FBXO10: variants seen among roughly 807,000 people sequenced by gnomAD.
The protein encoded by FBXO10 is F-box protein 10.
In FBXO10, 39 loss-of-function variants were observed where a neutral mutation model predicts 80.7. That is an observed-to-expected ratio of 0.48 (90% confidence interval 0.37 to 0.63). The LOEUF is 0.63. Ranked by LOEUF, FBXO10 falls within the 30% of genes least tolerant of loss-of-function variation. FBXO10 has a pLI of 0.00. For synonymous variants in FBXO10, 449 were observed against 489.6 expected (o/e 0.92, Z 1.09); for missense variants, 1,025 against 1,269.0 (o/e 0.81, Z 2.92).
At chr9:37,513,300 T>C (rs1821109145) in intron 10 of FBXO10, among the ~76,000 whole-genome samples, 1 of 152,170 alleles carries the variant, frequency 6.6e-6, no homozygotes, top group Non-Finnish European at 1.5e-5. Context: ...TGCCAGCTTT[T>C]CCTCTTTCAT....
At chr9:37,523,587 C>G (rs1343683075) in intron 6 of FBXO10, among the ~76,000 whole-genome samples, 1 of 152,050 alleles carries the variant, frequency 6.6e-6, no homozygotes, top group Non-Finnish European at 1.5e-5. Flanking sequence ...GTGAGTGACA[C>G]TGGTGTCCAA....
intron 1 of FBXO10, among the ~76,000 whole-genome samples, chr9:37,570,654 T>C (rs1822727501): frequency 6.6e-6 from 1 of 151,944 alleles, no homozygotes; most frequent in Admixed American, 6.6e-5. Context: ...GAAATCAGAA[T>C]GAAAGAGGGG....
intron 1 of FBXO10, among the ~76,000 whole-genome samples, chr9:37,555,530 G>A (rs929720441): frequency 6.6e-6 from 1 of 151,532 alleles, no homozygotes; most frequent in East Asian, 2.0e-4. Context: ...ACAGGCGCTC[G>A]CCACCATGCC....
intron 2 of FBXO10, among the ~76,000 whole-genome samples, chr9:37,540,021 T>C (rs111549083): frequency 7.9e-5 from 12 of 152,124 alleles, no homozygotes; most frequent in African/African-American, 2.7e-4. Context: ...TAAAATCAGA[T>C]GACATTACCT....
At chr9:37,558,757 G>C (rs1354777005) in intron 1 of FBXO10, among the ~76,000 whole-genome samples, 2 of 151,912 alleles carry the variant, frequency 1.3e-5, no homozygotes, top group African/African-American at 4.8e-5. Context: ...ATAACAATGT[G>C]AGATAGAAGG....
intron 2 of FBXO10, 32 bp from the exon 3 acceptor site, chr9:37,537,975 G>C (rs113442012): frequency 1.3e-6 from 2 of 1,575,132 alleles, no homozygotes; most frequent in Admixed American, 1.7e-5. Flanking sequence ...ACGGCTGTAA[G>C]AGGGATGAGA....
rs114264398 is a variant in FBXO10, at chr9:37,513,559, T to G, written c.2697-838A>C. 3.8e-3 allele frequency among the ~76,000 whole-genome samples: 578 copies of G among 151,466 alleles called. 5 individuals carry two copies. The highest frequency in any genetic ancestry group is 0.013 in the African/African-American group (542 of 41,318). ...GACTACATACTGCAGGATTTCTGGG[T>G]TTTTTTTGTTTTTACTTTTATTTTT... On this transcript the variant is annotated intron_variant, in intron 10 of 10. Coordinates refer to ENST00000432825, the MANE Select transcript of FBXO10 (RefSeq NM_012166.3).
chr9:37,574,248 G>A (rs1822835463), intron 1 of FBXO10, among the ~76,000 whole-genome samples: 1 of 152,140 alleles, frequency 6.6e-6, no homozygotes, highest in African/African-American at 2.4e-5. Context: ...ACTCCTCTTG[G>A]CACTGCCACC....
Position 37,533,016 on chromosome 9 carries a change from G to T in FBXO10, c.1420-958C>A, listed in dbSNP as rs144898166. Among the ~76,000 whole-genome samples, 8 of 152,252 alleles carry T rather than the reference G, an allele frequency of 5.3e-5. No homozygotes were observed. In the East Asian group the frequency reaches 1.5e-3, roughly 29 times the overall value. On this transcript the variant is annotated intron_variant, in intron 3 of 10. Transcript: ENST00000432825. ...AATCTTTCATGGTGTATCACCCTGG[G>T]GTGGAAAACTACTGAGACTCCAAAT...
intron 1 of FBXO10, among the ~76,000 whole-genome samples, chr9:37,569,994 A>C (rs1822707685): frequency 6.6e-6 from 1 of 152,212 alleles, no homozygotes; most frequent in Non-Finnish European, 1.5e-5. Context: ...ATTACAATGG[A>C]AATTAGAATA....
chr9:37,564,222 C>T lies in FBXO10; in HGVS notation c.-7+11989G>A, dbSNP rs193214511. Among the ~76,000 whole-genome samples the T allele has an allele frequency of 8.5e-5, 13 of 152,378 alleles. No individual in the cohort carries two copies. In the East Asian group the frequency reaches 2.5e-3, roughly 29 times the overall value. On this transcript the variant is annotated intron_variant, in intron 1 of 10. Coordinates refer to ENST00000432825, the MANE Select transcript of FBXO10 (RefSeq NM_012166.3). ...CCTGTGGGTGCACAGAAGTCAAGAA[C>T]TGAGGTATAGAAACCTCTACTTAGA... is the stretch of plus-strand genomic sequence containing the variant.
intron 1 of FBXO10, among the ~76,000 whole-genome samples, chr9:37,554,369 G>A (rs1167485050): frequency 6.6e-6 from 1 of 152,012 alleles, no homozygotes; most frequent in East Asian, 1.9e-4. Context: ...AGTGTAATTC[G>A]ATGGAGGCTC....
At position 37,512,598 on chromosome 9, in the gene FBXO10, C is replaced by G. The variant is rs371625911; in HGVS notation, c.2820G>C (p.Arg940=). ...VTAMATRITA[R]VEGGYHSNRS... is the part of the protein sequence containing the mutation. ...GGTTGCTGTGGTAACCACCTTCCAC[C>G]CGGGCTGTGATCCTCGTTGCCATGG... Residue 940 remains arginine, a synonymous_variant, in exon 11 of 11, where the codon CGG becomes CGC. Transcript: ENST00000432825. 14 of 1,613,904 alleles carry G rather than the reference C, an allele frequency of 8.7e-6. No individual in the cohort carries two copies. Among genetic ancestry groups the G allele is most frequent in the South Asian group, 2.2e-5 (2 of 91,092 alleles).
intron 1 of FBXO10, among the ~76,000 whole-genome samples, chr9:37,550,336 C>T (rs891646453): frequency 2.0e-5 from 3 of 151,530 alleles, no homozygotes; most frequent in African/African-American, 7.3e-5. Flanking sequence ...GCACCCGCCA[C>T]AATGCCCAGC....
In FBXO10 at chr9:37,559,271, T is replaced by C. The variant is rs528571972; in HGVS notation, c.-7+16940A>G. 4.6e-5 allele frequency among the ~76,000 whole-genome samples: 7 copies of C among 152,310 alleles called. No individual in the cohort carries two copies. In the South Asian group the frequency reaches 1.5e-3, roughly 32 times the overall value. ...TCTGGAGTGGAACCAATTATGTGCA[T>C]TTTTAACAAGCTCCCTGGTGATTGT... On this transcript the variant is annotated intron_variant, in intron 1 of 10. Coordinates refer to ENST00000432825, the MANE Select transcript of FBXO10 (RefSeq NM_012166.3).
intron 1 of FBXO10, among the ~76,000 whole-genome samples, chr9:37,557,611 G>T (rs1822370252): frequency 2.0e-5 from 3 of 152,178 alleles, no homozygotes; most frequent in Admixed American, 1.3e-4. Flanking sequence ...TGAATTCAGT[G>T]ACTTCACATA....
chr9:37,521,452 TGACATTA>T, intron 8 of FBXO10, 110 bp downstream of exon 8: 1 of 1,274,042 alleles, frequency 7.8e-7, no homozygotes, highest in Non-Finnish European at 1.0e-6. Flanking sequence ...TTTGCATCTT[TGACATTA>T]AAGTTTACTT....
At chr9:37,575,034 T>C (rs536849543) in intron 1 of FBXO10, among the ~76,000 whole-genome samples, 28 of 152,294 alleles carry the variant, frequency 1.8e-4, no homozygotes, top group Admixed American at 9.2e-4. Flanking sequence ...CAAAGTCCTG[T>C]CGTCCTTCTG....
At chr9:37,535,804 T>C (rs1377062047) in intron 3 of FBXO10, among the ~76,000 whole-genome samples, 1 of 152,150 alleles carries the variant, frequency 6.6e-6, no homozygotes, top group Admixed American at 6.5e-5. Flanking sequence ...AAAGGGTGTG[T>C]CTCCCCTTAC....
Sources: allele counts gnomAD v4.1 joint callset (sites outside exome capture counted in the v4.1 genomes callset), GRCh38; gene constraint gnomAD v4.1.1; transcripts MANE v1.5; gene names NCBI Gene and HGNC (gene_info 2026-07-23, HGNC 2026-07-21).